The following PDE1C variants were observed in gnomAD, a reference collection of about 807,000 sequenced individuals.
PDE1C encodes phosphodiesterase 1C, also known as dual specificity calcium/calmodulin-dependent 3',5'-cyclic nucleotide phosphodiesterase 1C.
Under a neutral mutation model 93.1 loss-of-function variants are expected in PDE1C, and 62 were observed. The observed-to-expected ratio is 0.67, with a 90% CI of 0.54 to 0.82. The LOEUF (loss-of-function observed/expected upper bound fraction) is 0.82, where lower values mean the gene tolerates loss of function less well. PDE1C is among the 40% of genes least tolerant of loss of function. The pLI, the probability that PDE1C is intolerant of heterozygous loss-of-function variation, is 0.00. For synonymous variants in PDE1C, 325 were observed against 310.1 expected (o/e 1.05, Z -0.50); for missense variants, 742 against 884.6 (o/e 0.84, Z 2.04).
rs118088960 is a variant in PDE1C at position 32,220,504 on chromosome 7, T to C, written c.86-10965A>G. Among the ~76,000 whole-genome samples, 188 of 152,230 alleles carry C rather than the reference T, an allele frequency of 1.2e-3. 4 individuals are homozygous for C. The East Asian group carries it at 0.031, about 25-fold the overall frequency. The stretch of plus-strand genomic sequence containing the variant: ...TCTCTTTTCTCTACAGCTCACACCA[T>C]CAGAAAGCACATTAAGAACCCTCTG... On this transcript the variant is annotated intron_variant, in intron 1 of 18. Transcript: ENST00000396193.
chr7:32,331,212 C>A (rs1783507873), intron 1 of PDE1C, among the ~76,000 whole-genome samples: 2 of 152,300 alleles, frequency 1.3e-5, no homozygotes. Flanking sequence ...GCTCCATCCT[C>A]AGAAGGATCC....
intron 2 of PDE1C, among the ~76,000 whole-genome samples, chr7:31,970,598 T>C (rs1375391637): frequency 6.6e-6 from 1 of 152,260 alleles, no homozygotes; most frequent in Non-Finnish European, 1.5e-5. Flanking sequence ...AAAACTGTGA[T>C]TGTTGAGTAA....
At chr7:32,130,969 C>T (rs935953807) in intron 3 of PDE1C, among the ~76,000 whole-genome samples, 1 of 152,090 alleles carries the variant, frequency 6.6e-6, no homozygotes, top group Non-Finnish European at 1.5e-5. Context: ...TTGTGCTCTA[C>T]ACCCTGTTTC....
In PDE1C at chr7:32,320,033, G is replaced by T. The variant is rs376316787; in HGVS notation, c.310+107789C>A. Among the ~76,000 whole-genome samples the T allele has an allele frequency of 3.9e-5, 6 of 152,240 alleles. No homozygotes were observed. In the East Asian group the frequency reaches 7.7e-4, roughly 20 times the overall value. Reference sequence around the variant, plus strand: ...CCCTGCCTACGACACAGCCAAATTGGGGAGGGGATAGGTGGGGCAACTTGA... The same window carrying T: ...CCCTGCCTACGACACAGCCAAATTGTGGAGGGGATAGGTGGGGCAACTTGA... On this transcript the variant is annotated intron_variant, in intron 1 of 1. Coordinates refer to the PDE1C transcript ENST00000672256.
chr7:31,658,290 G>A, the PDE1C span: 6 of 1,504,514 alleles, frequency 4.0e-6, no homozygotes, highest in Non-Finnish European at 5.3e-6. Flanking sequence ...TGTCTGCAGA[G>A]CTGGATCCCT....
At chr7:32,284,958 A>G (rs1811902117) in intron 1 of PDE1C, among the ~76,000 whole-genome samples, 1 of 151,780 alleles carries the variant, frequency 6.6e-6, no homozygotes, top group African/African-American at 2.4e-5. Context: ...TGAACCTGGG[A>G]GGCAGAAGTT....
the PDE1C span, chr7:31,643,865 G>T: frequency 6.2e-7 from 1 of 1,613,910 alleles, no homozygotes; most frequent in Non-Finnish European, 8.5e-7. Context: ...TGTAGGCACT[G>T]CCTGTGTTCA....
intron 16 of PDE1C, among the ~76,000 whole-genome samples, chr7:31,796,753 G>T (rs1338873903): frequency 6.6e-6 from 1 of 151,614 alleles, no homozygotes; most frequent in African/African-American, 2.4e-5. Context: ...ATTACGTTGG[G>T]TTTAAGCATC....
intron 3 of PDE1C, among the ~76,000 whole-genome samples, chr7:32,156,860 T>G (rs1311657932): frequency 6.6e-6 from 1 of 152,194 alleles, no homozygotes; most frequent in Non-Finnish European, 1.5e-5. Context: ...CAAAGGTGAT[T>G]TAATCACAGT....
intron 2 of PDE1C, among the ~76,000 whole-genome samples, chr7:31,962,389 T>G (rs1809126342): frequency 1.3e-5 from 2 of 152,198 alleles, no homozygotes; most frequent in Non-Finnish European, 2.9e-5. Context: ...TTGGTATATG[T>G]CAGACCATCA....
At chr7:32,085,805 A>G (rs1375350576) in intron 3 of PDE1C, among the ~76,000 whole-genome samples, 1 of 149,896 alleles carries the variant, frequency 6.7e-6, no homozygotes, top group African/African-American at 2.5e-5. Flanking sequence ...ATTCAACAAC[A>G]TTTCATGCTA....
intron 1 of PDE1C, among the ~76,000 whole-genome samples, chr7:32,063,232 A>C (rs2128713778): frequency 6.6e-6 from 1 of 152,368 alleles, no homozygotes; most frequent in South Asian, 2.1e-4. Context: ...TTGGTGCAAA[A>C]GTAATGCGGT....
At position 31,753,072 on chromosome 7, in the gene PDE1C, T is replaced by C. The variant is rs1157018839; in HGVS notation, c.*312A>G. ...AAGTGGCAATGAGAGGAATTTTATT[T>C]TTTTTTAAGTTTGTGTCATTTTAAT... is the stretch of plus-strand genomic sequence containing the variant. On this transcript the variant is annotated 3_prime_UTR_variant, in exon 18 of 18. Coordinates refer to ENST00000396191, the MANE Select transcript of PDE1C (RefSeq NM_001191057.4). The C allele has an allele frequency of 5.5e-6, 1 of 180,558 alleles. No homozygotes were observed. Among genetic ancestry groups the C allele is most frequent in the African/African-American group, 2.3e-5 (1 of 42,728 alleles). The allele number at this position is 180,558 out of a possible 1,614,324, so 11.2% of individuals were successfully genotyped here. A position where few individuals can be genotyped will look rare whatever the true frequency, so the allele number is the denominator to read the frequency against.
At chr7:31,827,458 T>C (rs886716342) in intron 12 of PDE1C, among the ~76,000 whole-genome samples, 4 of 152,174 alleles carry the variant, frequency 2.6e-5, no homozygotes, top group Non-Finnish European at 5.9e-5. Context: ...ATTTTTGTTT[T>C]TGTAACATTT....
rs140178428 is a variant in PDE1C at position 32,375,653 on chromosome 7, G to C, written c.310+52169C>G. Among the ~76,000 whole-genome samples, 505 of 152,316 alleles carry C rather than the reference G, an allele frequency of 3.3e-3. 4 individuals carry two copies. The highest frequency in any genetic ancestry group is 0.011 in the African/African-American group (475 of 41,570). On this transcript the variant is annotated intron_variant, in intron 1 of 1. Coordinates refer to the PDE1C transcript ENST00000672256. ...GGCCAGGATGAGAATCCCTGCTCTA[G>C]AGCGTTCTCAGAAAAGCCTTGAACC...
chr7:31,623,977 A>G, the PDE1C span, among the ~76,000 whole-genome samples: 1 of 149,466 alleles, frequency 6.7e-6, no homozygotes, highest in African/African-American at 2.4e-5. Context: ...TACACCAATA[A>G]CAGACAAACA....
chr7:32,280,847 T>G (rs1476766), intron 1 of PDE1C, among the ~76,000 whole-genome samples: 86,167 of 151,828 alleles, frequency 0.57, 25,871 homozygotes, highest in Admixed American at 0.68. Context: ...TATCAGAGTG[T>G]GGTGGTACAC....
At chr7:31,821,833 C>T (rs1583472150) in intron 14 of PDE1C, among the ~76,000 whole-genome samples, 1 of 152,116 alleles carries the variant, frequency 6.6e-6, no homozygotes, top group Admixed American at 6.5e-5. Flanking sequence ...TGCTTTCCTA[C>T]ACTAGAAGCA....
At chr7:31,699,217 G>A in the PDE1C span, among the ~76,000 whole-genome samples, 5 of 152,146 alleles carry the variant, frequency 3.3e-5, no homozygotes, top group African/African-American at 7.2e-5. Context: ...GGCAGGATCT[G>A]TTGGCCCTCA....
Sources: allele counts gnomAD v4.1 joint callset (sites outside exome capture counted in the v4.1 genomes callset), GRCh38; gene constraint gnomAD v4.1.1; transcripts MANE v1.5; gene names NCBI Gene and HGNC (gene_info 2026-07-23, HGNC 2026-07-21).